PTGER4: variants seen among roughly 807,000 people sequenced by gnomAD.
PTGER4 encodes prostaglandin E2 receptor EP4 subtype.
Under a neutral mutation model 33.2 loss-of-function variants are expected in PTGER4, and 11 were observed. That is an observed-to-expected ratio of 0.33 (90% CI 0.21 to 0.55). The LOEUF (loss-of-function observed/expected upper bound fraction) is 0.55, where lower values mean the gene tolerates loss of function less well. Ranked by LOEUF, PTGER4 falls within the 20% of genes least tolerant of loss-of-function variation. The pLI is 0.92. For synonymous variants in PTGER4, 275 were observed against 281.5 expected (o/e 0.98, Z 0.23); for missense variants, 481 against 650.2 (o/e 0.74, Z 2.83).
the PTGER4 span, among the ~76,000 whole-genome samples, chr5:40,726,806 G>C: frequency 6.6e-6 from 1 of 152,086 alleles, no homozygotes. Context: ...AAAAGAGATA[G>C]TGATGTATAA....
the PTGER4 span, among the ~76,000 whole-genome samples, chr5:40,742,482 G>C: frequency 6.6e-6 from 1 of 152,172 alleles, no homozygotes; most frequent in African/African-American, 2.4e-5. Context: ...TGAATAACTT[G>C]CCTAATATTG....
At chr5:40,713,906 C>T in the PTGER4 span, among the ~76,000 whole-genome samples, 3 of 152,160 alleles carry the variant, frequency 2.0e-5, no homozygotes, top group East Asian at 1.9e-4. Flanking sequence ...TTTCTCTTCA[C>T]GCATAGAAGA....
At chr5:40,697,238 G>GAAAGAAAGAA (rs1741627177), downstream of PTGER4, among the ~76,000 whole-genome samples, 1 of 37,602 alleles carries the variant, frequency 2.7e-5, no homozygotes, top group Admixed American at 4.7e-4. Context: ...AAGAAAGAAA[G>GAAAGAAAGAA]AAAGAAAGAA....
At chr5:40,716,957 G>C in the PTGER4 span, among the ~76,000 whole-genome samples, 14,120 of 152,134 alleles carry the variant, frequency 0.093, 945 homozygotes, top group Non-Finnish European at 0.14. Context: ...GGCTGGGCAC[G>C]GTGGCTCATA....
At chr5:40,737,505 T>C in the PTGER4 span, among the ~76,000 whole-genome samples, 16 of 152,246 alleles carry the variant, frequency 1.1e-4, no homozygotes, top group African/African-American at 3.1e-4. Flanking sequence ...CATGAACACA[T>C]ATAAAGATAT....
At position 40,681,477 on chromosome 5, in the gene PTGER4, C is replaced by A. The variant is rs1398646314; in HGVS notation, c.484C>A (p.Arg162=). The change falls in exon 2 of 3, where the codon CGG becomes AGG. Residue 162 remains arginine, a synonymous_variant. Transcript: ENST00000302472. This position sits in a 1 kb window ranked among gnomAD's most constrained non-coding sequence, Gnocchi z 9.8. ...GCCCAACATGGGTCTCGGTAGCTCG[C>A]GGCTGCAGTACCCAGACACCTGGTG... ...ALPNMGLGSS[R]LQYPDTWCFI... The A allele has an allele frequency of 6.2e-7, 1 of 1,613,554 alleles. No individual in the cohort carries two copies. Among genetic ancestry groups the A allele is most frequent in the Non-Finnish European group, 8.5e-7 (1 of 1,180,036 alleles).
the PTGER4 span, among the ~76,000 whole-genome samples, chr5:40,718,736 T>G: frequency 6.7e-6 from 1 of 148,472 alleles, no homozygotes; most frequent in African/African-American, 2.5e-5. Context: ...AGATTCCGTC[T>G]CGAAAAAAAA....
chr5:40,694,474 T>C (rs1741543852), downstream of PTGER4, among the ~76,000 whole-genome samples: 1 of 152,230 alleles, frequency 6.6e-6, no homozygotes, highest in Non-Finnish European at 1.5e-5. Context: ...ATTTATTTTC[T>C]CACAGTTGTG....
chr5:40,723,615 A>C, the PTGER4 span, among the ~76,000 whole-genome samples: 1 of 152,170 alleles, frequency 6.6e-6, no homozygotes, highest in Non-Finnish European at 1.5e-5. Flanking sequence ...CTATAATCCC[A>C]GCACTGTGGG....
the PTGER4 span, among the ~76,000 whole-genome samples, chr5:40,710,168 A>T: frequency 4.6e-5 from 7 of 152,206 alleles, no homozygotes; most frequent in Non-Finnish European, 8.8e-5. Flanking sequence ...CATTTTTGCA[A>T]TCTACTTATC....
the PTGER4 span, among the ~76,000 whole-genome samples, chr5:40,744,007 G>A: frequency 2.0e-5 from 3 of 152,314 alleles, no homozygotes; most frequent in South Asian, 6.2e-4. Flanking sequence ...GAAATTCAGA[G>A]GGAATCCGAT....
chr5:40,736,684 G>T, the PTGER4 span, among the ~76,000 whole-genome samples: 1 of 152,156 alleles, frequency 6.6e-6, no homozygotes, highest in Admixed American at 6.5e-5. Flanking sequence ...TTCACTTGGT[G>T]CTTATTAGGT....
chr5:40,716,158 A>G, the PTGER4 span: 58 of 1,603,228 alleles, frequency 3.6e-5, no homozygotes, highest in Non-Finnish European at 4.9e-5. Flanking sequence ...TCGGGCTTTG[A>G]TAAAAACAGA....
At chr5:40,687,583 GGTTGCTC>G (rs1311171763) in intron 2 of PTGER4, among the ~76,000 whole-genome samples, 1 of 152,126 alleles carries the variant, frequency 6.6e-6, no homozygotes, top group Non-Finnish European at 1.5e-5. Context: ...GTGAAGCAGA[GGTTGCTC>G]TATGTTTTCA....
At chr5:40,716,182 G>T in the PTGER4 span, 5 of 1,613,538 alleles carry the variant, frequency 3.1e-6, no homozygotes, top group Non-Finnish European at 4.2e-6. Flanking sequence ...ATCTGGTGGT[G>T]TAGCACCATC....
chr5:40,745,859 C>T, the PTGER4 span, among the ~76,000 whole-genome samples: 1 of 152,156 alleles, frequency 6.6e-6, no homozygotes, highest in South Asian at 2.1e-4. Flanking sequence ...CTTGGCCTCC[C>T]AAAGTGCTGG....
At chr5:40,730,420 A>T in the PTGER4 span, 3 of 1,165,014 alleles carry the variant, frequency 2.6e-6, no homozygotes, top group East Asian at 4.8e-5. Context: ...TTTTTATTGT[A>T]GTAAAATATA....
downstream of PTGER4, among the ~76,000 whole-genome samples, chr5:40,697,179 AAAATT>A (rs1348236496): frequency 2.7e-5 from 4 of 149,560 alleles, no homozygotes; most frequent in South Asian, 2.1e-4. Context: ...GAAAGGAAGA[AAAATT>A]AAGAAAGAAA....
downstream of PTGER4, among the ~76,000 whole-genome samples, chr5:40,697,226 A>AAAAGAAAGAAAGAAAGAGAGAAAG (rs1741623372): frequency 8.9e-6 from 1 of 112,566 alleles, no homozygotes; most frequent in African/African-American, 3.7e-5. Flanking sequence ...AAGAAAGAAG[A>AAAAGAAAGAAAGAAAGAGAGAAAG]AAAGAAAGAA....
Sources: allele counts gnomAD v4.1 joint callset (sites outside exome capture counted in the v4.1 genomes callset), GRCh38; gene constraint gnomAD v4.1.1; non-coding constraint Gnocchi (gnomAD v3.1); transcripts MANE v1.5; gene names NCBI Gene and HGNC (gene_info 2026-07-23, HGNC 2026-07-21).